Variants in CHP1 observed in about 807,000 individuals in gnomAD.
CHP1 encodes calcineurin like EF-hand protein 1.
A neutral mutation model predicts 27.4 loss-of-function variants in CHP1; 11 were observed. The ratio of observed to expected loss-of-function variants is 0.40; its 90% CI spans 0.25 to 0.67. The LOEUF is 0.67. Among genes scored for constraint, CHP1 ranks in the 30% least tolerant of loss-of-function variants. The pLI is 0.38. For missense variants in CHP1, 169 were observed against 251.3 expected (o/e 0.67, Z 2.22); for synonymous variants, 89 against 87.4 (o/e 1.02, Z -0.10).
rs200596925 is a variant in CHP1, at chr15:41,279,412, G to A, written c.*23G>A. On this transcript the variant is annotated 3_prime_UTR_variant, in exon 7 of 7. Coordinates refer to ENST00000334660, the MANE Select transcript of CHP1 (RefSeq NM_007236.5). Reference sequence around the variant, plus strand: ...TAAAGGAGACCAAACTGTTCCTTGCGGTCTAGTATTTAAGAACTGGAACTT... The same window carrying A: ...TAAAGGAGACCAAACTGTTCCTTGCAGTCTAGTATTTAAGAACTGGAACTT... The A allele has an allele frequency of 2.1e-4, 330 of 1,605,540 alleles. No individual in the cohort carries two copies. The highest frequency in any genetic ancestry group is 2.5e-4 in the Non-Finnish European group (292 of 1,174,178).
intron 5 of CHP1, chr15:41,272,394 C>T (rs28468975): frequency 0.37 from 56,421 of 151,946 alleles, 11,590 homozygotes; most frequent in African/African-American, 0.57. Flanking sequence ...ATGAGGCTAG[C>T]GTAACTTTTG....
intron 2 of CHP1, among the ~76,000 whole-genome samples, chr15:41,255,802 G>A (rs1332383706): frequency 6.6e-6 from 1 of 152,130 alleles, no homozygotes; most frequent in Non-Finnish European, 1.5e-5. Flanking sequence ...GATCACCTGA[G>A]GTCAGGAGTT....
intron 3 of CHP1, among the ~76,000 whole-genome samples, chr15:41,259,957 T>C (rs971148471): frequency 6.6e-6 from 1 of 152,214 alleles, no homozygotes; most frequent in Admixed American, 6.5e-5. Context: ...TTTGAACTCT[T>C]GACCTCAGGT....
At chr15:41,232,941 T>A (rs1249076582) in intron 1 of CHP1, among the ~76,000 whole-genome samples, 1 of 152,228 alleles carries the variant, frequency 6.6e-6, no homozygotes, top group Non-Finnish European at 1.5e-5. Context: ...TGGACTGGTT[T>A]GCTTCTTTCA....
chr15:41,270,369 T>G (rs1001350723), intron 4 of CHP1, among the ~76,000 whole-genome samples, 188 bp from the exon 5 acceptor site: 3 of 152,210 alleles, frequency 2.0e-5, no homozygotes, highest in Non-Finnish European at 4.4e-5. Flanking sequence ...TCATCTAATC[T>G]AAGAACTCAT....
chr15:41,270,033 T>C (rs886449933), intron 4 of CHP1, among the ~76,000 whole-genome samples: 1 of 152,134 alleles, frequency 6.6e-6, no homozygotes, highest in Non-Finnish European at 1.5e-5. Context: ...CAGGAGACCA[T>C]CTGAGCCATC....
Position 41,281,617 on chromosome 15 carries a change from TA to T in CHP1, c.*2229del, listed in dbSNP as rs2047546749. The T allele has an allele frequency of 6.6e-6, 1 of 152,658 alleles. No individual in the cohort carries two copies. Among genetic ancestry groups the T allele is most frequent in the South Asian group, 2.1e-4 (1 of 4,836 alleles). 9.5% of individuals were successfully genotyped at this position (152,658 alleles called of 1,614,324 possible). A position where few individuals can be genotyped will look rare whatever the true frequency, so the allele number is the denominator to read the frequency against. On this transcript the variant is annotated 3_prime_UTR_variant, in exon 7 of 7. Transcript: ENST00000334660. ...GAGTAGCCAGGCTGGATGGCTCAAA[TA>T]TAAATGAATGAGGAATTCTTTATGA...
intron 5 of CHP1, among the ~76,000 whole-genome samples, chr15:41,277,051 CTAGA>C (rs1302597738): frequency 6.6e-6 from 1 of 152,178 alleles, no homozygotes; most frequent in Non-Finnish European, 1.5e-5. Flanking sequence ...ATCCAGTCAC[CTAGA>C]TAAGTTCTGC....
chr15:41,274,150 G>A (rs567543976), intron 5 of CHP1, among the ~76,000 whole-genome samples: 37 of 151,836 alleles, frequency 2.4e-4, no homozygotes, highest in African/African-American at 6.8e-4. Context: ...TAGTAGAGAC[G>A]GGGTTTCACC....
At chr15:41,250,034 C>G (rs575156949) in intron 2 of CHP1, among the ~76,000 whole-genome samples, 4 of 149,924 alleles carry the variant, frequency 2.7e-5, no homozygotes, top group African/African-American at 4.9e-5. Flanking sequence ...CAGAGACTCA[C>G]TCCGAAGCAT....
At chr15:41,274,755 G>A (rs900467835) in intron 5 of CHP1, among the ~76,000 whole-genome samples, 16 of 149,978 alleles carry the variant, frequency 1.1e-4, no homozygotes, top group Non-Finnish European at 4.4e-5. Context: ...TGGCAAATGG[G>A]TTGTCTATTG....
At chr15:41,245,132 A>G (rs1014777718) in intron 2 of CHP1, among the ~76,000 whole-genome samples, 4 of 152,164 alleles carry the variant, frequency 2.6e-5, no homozygotes, top group Non-Finnish European at 4.4e-5. Flanking sequence ...TCTCTGGACA[A>G]TTCATATAAA....
At chr15:41,275,441 C>T (rs2047514711) in intron 5 of CHP1, among the ~76,000 whole-genome samples, 1 of 152,176 alleles carries the variant, frequency 6.6e-6, no homozygotes. Context: ...AGGTGTGAGC[C>T]ACCACCCCCG....
rs1344460605 is a variant in CHP1 at position 41,281,655 on chromosome 15, G to A, written c.*2266G>A. On this transcript the variant is annotated 3_prime_UTR_variant, in exon 7 of 7. Coordinates refer to ENST00000334660, the MANE Select transcript of CHP1 (RefSeq NM_007236.5). ...GGAATTCTTTATGAAGTATCAGTCA[G>A]ATTTTATGATTAAGTGATGTAATAT... 2 of 152,618 alleles carry A rather than the reference G, an allele frequency of 1.3e-5. No individual in the cohort carries two copies. The highest frequency in any genetic ancestry group is 1.3e-4 in the Admixed American group (2 of 15,274). 9.5% of individuals were successfully genotyped at this position (152,618 alleles called of 1,614,324 possible).
intron 1 of CHP1, among the ~76,000 whole-genome samples, chr15:41,241,412 A>G (rs764951230): frequency 6.6e-5 from 10 of 152,252 alleles, no homozygotes; most frequent in Admixed American, 2.6e-4. Context: ...CACTTTGCCA[A>G]GCATTTTCCT....
At chr15:41,251,595 G>A (rs1019759339) in intron 2 of CHP1, among the ~76,000 whole-genome samples, 2 of 152,038 alleles carry the variant, frequency 1.3e-5, no homozygotes, top group Non-Finnish European at 2.9e-5. Context: ...GATCAGTGGC[G>A]GCACTAGATT....
At chr15:41,263,079 C>T (rs2047441687) in intron 4 of CHP1, among the ~76,000 whole-genome samples, 196 bp downstream of exon 4, 1 of 152,132 alleles carries the variant, frequency 6.6e-6, no homozygotes, top group African/African-American at 2.4e-5. Context: ...GGTACTTAAC[C>T]TCTTTGGGCT....
chr15:41,260,317 T>C (rs1268424308), intron 3 of CHP1, among the ~76,000 whole-genome samples: 2 of 152,054 alleles, frequency 1.3e-5, no homozygotes, highest in Non-Finnish European at 2.9e-5. Flanking sequence ...GGTTATTGAT[T>C]AGCCTGTGGC....
chr15:41,232,718 G>T (rs2047258061), intron 1 of CHP1, among the ~76,000 whole-genome samples: 1 of 152,160 alleles, frequency 6.6e-6, no homozygotes, highest in Non-Finnish European at 1.5e-5. Context: ...AATGAAGGAT[G>T]TAGCACCTGA....
Sources: allele counts gnomAD v4.1 joint callset (sites outside exome capture counted in the v4.1 genomes callset), GRCh38; gene constraint gnomAD v4.1.1; transcripts MANE v1.5; gene names NCBI Gene and HGNC (gene_info 2026-07-23, HGNC 2026-07-21).